Variants in LRRK1 observed in about 807,000 individuals in gnomAD.
LRRK1 encodes the protein leucine-rich repeat serine/threonine-protein kinase 1.
Under a neutral mutation model 209.1 loss-of-function variants are expected in LRRK1, and 113 were observed. The observed-to-expected ratio is 0.54, with a 90% CI of 0.46 to 0.63. The LOEUF (loss-of-function observed/expected upper bound fraction) is 0.63, where lower values mean the gene tolerates loss of function less well. Among genes scored for constraint, LRRK1 ranks in the 30% least tolerant of loss-of-function variants. The pLI is 0.00. For missense variants in LRRK1, 2,284 were observed against 2,632.2 expected (o/e 0.87, Z 2.89); for synonymous variants, 1,144 against 1,099.7 (o/e 1.04, Z -0.80).
At position 101,009,010 on chromosome 15, in the gene LRRK1, C is replaced by T. The variant is rs774787575; in HGVS notation, c.936C>T (p.Asn312=). The T allele has an allele frequency of 1.9e-6, 3 of 1,614,232 alleles. No individual in the cohort carries two copies. The highest frequency in any genetic ancestry group is 1.3e-5 in the African/African-American group (1 of 75,066). The part of the protein sequence containing the change: ...INLRKLNLSD[N]HLGELPGVQS... Reference sequence around the variant, plus strand: ...TCCGGAAGCTGAACCTCTCCGACAACCACCTGGGGGAGCTGCCTGGCGTGC... The same window carrying T: ...TCCGGAAGCTGAACCTCTCCGACAATCACCTGGGGGAGCTGCCTGGCGTGC... The change falls in exon 7 of 34, where the codon AAC becomes AAT. Residue 312 remains asparagine, a synonymous_variant. Coordinates refer to ENST00000388948, the MANE Select transcript of LRRK1 (RefSeq NM_024652.6).
chr15:101,012,636 C>CA, intron 10 of LRRK1, among the ~76,000 whole-genome samples: 3 of 77,682 alleles, frequency 3.9e-5, no homozygotes, highest in Middle Eastern at 0.015. Flanking sequence ...GACCCCCAGG[C>CA]AGAGTGCCCA....
chr15:101,077,532 T>G lies in LRRK1; in HGVS notation c.*8684T>G, dbSNP rs1260144024. 6.6e-6 allele frequency: 1 copy of G among 152,202 alleles called. No homozygotes were observed. The highest frequency in any genetic ancestry group is 1.5e-5 in the Non-Finnish European group (1 of 68,048). The allele number at this position is 152,202 out of a possible 1,614,324, so 9.4% of individuals were successfully genotyped here. A position where few individuals can be genotyped will look rare whatever the true frequency, so the allele number is the denominator to read the frequency against. On this transcript the variant is annotated 3_prime_UTR_variant, in exon 34 of 34. Coordinates refer to ENST00000388948, the MANE Select transcript of LRRK1 (RefSeq NM_024652.6). ...TCAATTCTTAGACCTTTTATACCTG[T>G]TTTTCTCCTTTACTTATTCCGTTTA... is the stretch of plus-strand genomic sequence containing the variant.
Position 101,024,446 on chromosome 15 carries a change from CAGGG to C in LRRK1, c.2068-353_2068-350del. On this transcript the variant is annotated intron_variant, in intron 15 of 33. Transcript: ENST00000388948. The surrounding 1 kb of genome is among the most constrained non-coding windows in gnomAD (Gnocchi z 4.6). ...CATCTCCTCCTCTTGCCCTGGCACA[CAGGG>C]AGGCTGAACCCCAGTGCAAGCCGTG... 6.6e-6 allele frequency among the ~76,000 whole-genome samples: 1 copy of C among 152,332 alleles called. No individual in the cohort carries two copies. The highest frequency in any genetic ancestry group is 2.1e-4 in the South Asian group (1 of 4,828).
In LRRK1 at chr15:101,022,690, C is replaced by A; in HGVS notation, c.2067+93C>A. On this transcript the variant is annotated intron_variant, in intron 15 of 33. Coordinates refer to ENST00000388948, the MANE Select transcript of LRRK1 (RefSeq NM_024652.6). This position sits in a 1 kb window ranked among gnomAD's most constrained non-coding sequence, Gnocchi z 4.0. ...CTCCCCAGAGAGCCCAGGATTTTCT[C>A]AGCCTGGTGTCCAAAGCTCAGGCCC... is the stretch of plus-strand genomic sequence containing the variant. The A allele has an allele frequency of 1.1e-6, 1 of 917,070 alleles. No individual in the cohort carries two copies. The highest frequency in any genetic ancestry group is 1.6e-6 in the Non-Finnish European group (1 of 612,938). The allele number at this position is 917,070 out of a possible 1,614,324, so 56.8% of individuals were successfully genotyped here.
chr15:101,042,294 G>A (rs919923473), intron 20 of LRRK1, among the ~76,000 whole-genome samples: 4 of 148,032 alleles, frequency 2.7e-5, no homozygotes, highest in South Asian at 2.2e-4. Flanking sequence ...AATTTTCTTC[G>A]ATGTAGAATT....
At chr15:100,945,642 C>T (rs2141615969) in intron 2 of LRRK1, among the ~76,000 whole-genome samples, 1 of 151,866 alleles carries the variant, frequency 6.6e-6, no homozygotes, top group Middle Eastern at 3.4e-3. Flanking sequence ...CACAGGCGCC[C>T]ACCAACACAC....
chr15:100,961,690 C>G (rs957362747), intron 2 of LRRK1, among the ~76,000 whole-genome samples: 1 of 150,254 alleles, frequency 6.7e-6, no homozygotes, highest in Non-Finnish European at 1.5e-5. Context: ...GAACACACAA[C>G]CTAGGAAGCA....
intron 21 of LRRK1, among the ~76,000 whole-genome samples, chr15:101,047,859 A>AAAG (rs1463111040): frequency 6.6e-6 from 1 of 152,190 alleles, no homozygotes; most frequent in Non-Finnish European, 1.5e-5. Context: ...TCAATCAGAG[A>AAAG]AAGCTCTGTG....
intron 1 of LRRK1, among the ~76,000 whole-genome samples, chr15:100,924,200 T>A (rs910643205): frequency 6.6e-6 from 1 of 152,220 alleles, no homozygotes; most frequent in Non-Finnish European, 1.5e-5. Flanking sequence ...ACACAGAGCC[T>A]GGCTACCTTG....
At chr15:101,057,139 A>G in intron 28 of LRRK1, 89 bp downstream of exon 28, 1 of 1,162,742 alleles carries the variant, frequency 8.6e-7, no homozygotes, top group Non-Finnish European at 1.2e-6. Context: ...TGGCTGCCCA[A>G]CCATCACCAT....
intron 2 of LRRK1, among the ~76,000 whole-genome samples, chr15:100,959,054 G>C (rs1484360313): frequency 6.6e-6 from 1 of 152,148 alleles, no homozygotes; most frequent in Non-Finnish European, 1.5e-5. Flanking sequence ...CAGACCTTAG[G>C]GAAGGGTTGG....
rs114541211 is a variant in LRRK1, at chr15:101,061,984, G to A, written c.4798-590G>A. ...GATCGCACCATTGCACTCCAGCCTT[G>A]CGTACCACTTAAGCCTCAGAAATCT... On this transcript the variant is annotated intron_variant, in intron 30 of 33. Transcript: ENST00000388948. 4.4e-3 allele frequency among the ~76,000 whole-genome samples: 673 copies of A among 152,348 alleles called. 5 individuals are homozygous for A. The highest frequency in any genetic ancestry group is 0.015 in the African/African-American group (644 of 41,568).
At chr15:101,008,066 C>A (rs2033045625) in intron 6 of LRRK1, among the ~76,000 whole-genome samples, 1 of 141,502 alleles carries the variant, frequency 7.1e-6, no homozygotes, top group Non-Finnish European at 1.5e-5. Flanking sequence ...TCGCTTGAAC[C>A]CGGGAAGCGG....
At chr15:100,925,575 C>T (rs368057139) in intron 2 of LRRK1, among the ~76,000 whole-genome samples, 3 of 152,166 alleles carry the variant, frequency 2.0e-5, no homozygotes, top group East Asian at 1.9e-4. Context: ...TCTTGAACAT[C>T]GTTAAGCTCT....
intron 2 of LRRK1, among the ~76,000 whole-genome samples, chr15:100,948,603 A>G (rs73484808): frequency 0.023 from 3,509 of 152,228 alleles, 140 homozygotes; most frequent in African/African-American, 0.08. Context: ...TTATCCTTAT[A>G]TGTTTAAATG....
chr15:101,056,812 A>G (rs2035834427), intron 27 of LRRK1, 44 bp from the exon 28 acceptor site: 1 of 1,510,396 alleles, frequency 6.6e-7, no homozygotes, highest in Non-Finnish European at 8.9e-7. Flanking sequence ...TGTGAAGGCC[A>G]CTGGGCCCAG....
rs1389250763 is a variant in LRRK1, at chr15:100,941,365, TGC to T, written c.97+16637_97+16638del. Among the ~76,000 whole-genome samples, 31 of 133,808 alleles carry T rather than the reference TGC, an allele frequency of 2.3e-4. 1 individual carries two copies. The highest frequency in any genetic ancestry group is 3.6e-4 in the Admixed American group (5 of 13,710). The allele number at this position is 133,808 out of a possible 152,430, so 87.8% of individuals were successfully genotyped here. ...GTGTGTCTTTGTGTGTGTGTGTGTG[TGC>T]CTGTATGTGTGTGTCTGTGTCTCTG... On this transcript the variant is annotated intron_variant, in intron 2 of 33. Transcript: ENST00000388948.
At chr15:101,013,952 G>A (rs76945163) in intron 10 of LRRK1, among the ~76,000 whole-genome samples, 49 of 152,258 alleles carry the variant, frequency 3.2e-4, no homozygotes, top group East Asian at 1.6e-3. Flanking sequence ...CCCACCAGCC[G>A]TGAGCCGTTG....
In LRRK1 at chr15:101,028,043, G is replaced by A. The variant is rs537819619; in HGVS notation, c.2686+246G>A. Among the ~76,000 whole-genome samples the A allele has an allele frequency of 6.4e-4, 98 of 152,316 alleles. 1 individual carries two copies. In the Middle Eastern group the frequency reaches 0.031, roughly 48 times the overall value. Reference sequence around the variant, plus strand: ...CAGACATACAAGCTGATGGACTGGCGCCTGCCCTCCGGGGCTGATATTCAG... The same window carrying A: ...CAGACATACAAGCTGATGGACTGGCACCTGCCCTCCGGGGCTGATATTCAG... On this transcript the variant is annotated intron_variant, in intron 19 of 33. Coordinates refer to ENST00000388948, the MANE Select transcript of LRRK1 (RefSeq NM_024652.6).
Sources: gnomAD v4.1 joint callset for allele counts (sites outside exome capture counted in the v4.1 genomes callset) on GRCh38, gnomAD v4.1.1 for gene constraint, Gnocchi (gnomAD v3.1) non-coding constraint, MANE v1.5 for transcripts, NCBI Gene and HGNC (gene_info 2026-07-23, HGNC 2026-07-21) for gene names.